The following PPM1H variants were observed in gnomAD, a reference collection of about 807,000 sequenced individuals.
PPM1H encodes protein phosphatase, Mg2+/Mn2+ dependent 1H, also known as protein phosphatase 1H.
Under a neutral mutation model 54.9 loss-of-function variants are expected in PPM1H, and 27 were observed. That is an observed-to-expected ratio of 0.49 (90% confidence interval 0.36 to 0.68). PPM1H has a LOEUF of 0.68. Among genes scored for constraint, PPM1H ranks in the 30% least tolerant of loss-of-function variants. The pLI, the probability that PPM1H is intolerant of heterozygous loss-of-function variation, is 0.00. For synonymous variants in PPM1H, 305 were observed against 270.8 expected, an observed-to-expected ratio of 1.13 and a Z score of -1.24; for missense variants, 596 against 667.8, an observed-to-expected ratio of 0.89 and a Z score of 1.19.
intron 4 of PPM1H, among the ~76,000 whole-genome samples, chr12:62,773,087 G>A (rs1206216777): frequency 2.0e-5 from 3 of 152,222 alleles, no homozygotes; most frequent in South Asian, 2.1e-4. Flanking sequence ...GTTGGAGGTG[G>A]TAGTGAGCCG....
chr12:62,672,087 G>A (rs1376315245), intron 8 of PPM1H, among the ~76,000 whole-genome samples: 1 of 152,162 alleles, frequency 6.6e-6, no homozygotes, highest in Non-Finnish European at 1.5e-5. Flanking sequence ...TTCACTGAAT[G>A]AATAATCGTC....
At chr12:62,706,492 G>A (rs560033979) in intron 6 of PPM1H, among the ~76,000 whole-genome samples, 4 of 152,276 alleles carry the variant, frequency 2.6e-5, no homozygotes, top group Admixed American at 1.3e-4. Context: ...AGCAGTTAAC[G>A]GATTTTCACA....
intron 4 of PPM1H, among the ~76,000 whole-genome samples, chr12:62,754,682 A>T (rs970838361): frequency 6.6e-6 from 1 of 152,198 alleles, no homozygotes; most frequent in African/African-American, 2.4e-5. Flanking sequence ...CCTCATTCCC[A>T]ATGCTTCTCT....
chr12:62,891,441 G>A (rs1159904075), intron 1 of PPM1H, among the ~76,000 whole-genome samples: 1 of 152,152 alleles, frequency 6.6e-6, no homozygotes, highest in Non-Finnish European at 1.5e-5. Context: ...ATTTTTCCAT[G>A]TGTCAACCAT....
rs145702639 is a variant in PPM1H, at chr12:62,909,964, G to A, written c.245+24528C>T. ...AACTATTGTGCTGAAGATTACGGAG[G>A]TTTTAATAACATTAATTGCAGAGAG... is the stretch of plus-strand genomic sequence containing the variant. On this transcript the variant is annotated intron_variant, in intron 1 of 9. Coordinates refer to ENST00000228705, the MANE Select transcript of PPM1H (RefSeq NM_020700.2). 9.7e-4 allele frequency among the ~76,000 whole-genome samples: 147 copies of A among 152,304 alleles called. 1 individual carries two copies. The highest frequency in any genetic ancestry group is 3.3e-3 in the African/African-American group (137 of 41,558).
intron 4 of PPM1H, among the ~76,000 whole-genome samples, chr12:62,759,643 C>T (rs181279205): frequency 1.3e-5 from 2 of 152,326 alleles, no homozygotes; most frequent in Admixed American, 6.5e-5. Context: ...CTGCCTTGGT[C>T]TTTCACCCTT....
rs563636541 is a variant in PPM1H at position 62,844,070 on chromosome 12, G to A, written c.246-11791C>T. ...AAGCTAGAAAGTACAATAAGACTTT[G>A]CCTTTGTCAACCTTAAATAACGAGA... On this transcript the variant is annotated intron_variant, in intron 1 of 9. Transcript: ENST00000228705. This position sits in a 1 kb window ranked among gnomAD's most constrained non-coding sequence, Gnocchi z 5.2. Among the ~76,000 whole-genome samples, 19 of 152,310 alleles carry A rather than the reference G, an allele frequency of 1.2e-4. No individual in the cohort carries two copies. The highest frequency in any genetic ancestry group is 4.6e-4 in the African/African-American group (19 of 41,556).
chr12:62,683,032 A>ATTTTTTT (rs201636860), intron 8 of PPM1H, among the ~76,000 whole-genome samples: 2 of 126,356 alleles, frequency 1.6e-5, no homozygotes, highest in Non-Finnish European at 3.3e-5. Context: ...AGAGTTTATT[A>ATTTTTTT]TTTATTATTA....
chr12:62,655,775 C>T (rs2075840857), intron 9 of PPM1H, among the ~76,000 whole-genome samples: 1 of 152,150 alleles, frequency 6.6e-6, no homozygotes, highest in Admixed American at 6.5e-5. Context: ...GAATGCTGGG[C>T]CAGGCTGCAT....
At chr12:62,914,839 T>A (rs996785242) in intron 1 of PPM1H, among the ~76,000 whole-genome samples, 1 of 152,206 alleles carries the variant, frequency 6.6e-6, no homozygotes, top group African/African-American at 2.4e-5. Context: ...GGGTATGCGC[T>A]AGATGTCGCT....
Position 62,795,045 on chromosome 12 carries a change from C to T in PPM1H, c.757-6707G>A, listed in dbSNP as rs1414448468. ...GGGGGTTGTAGGGGCACACCTACCT[C>T]TGACAGTGTACACAGTAAGTATTAA... On this transcript the variant is annotated intron_variant, in intron 3 of 9. Transcript: ENST00000228705. Among the ~76,000 whole-genome samples the T allele has an allele frequency of 2.6e-5, 4 of 152,188 alleles. No homozygotes were observed. In the East Asian group the frequency reaches 7.7e-4, roughly 29 times the overall value.
intron 5 of PPM1H, among the ~76,000 whole-genome samples, chr12:62,732,006 CA>C (rs1276374218): frequency 1.3e-5 from 2 of 152,200 alleles, no homozygotes; most frequent in African/African-American, 4.8e-5. Context: ...TCCACCAAAA[CA>C]TTCTGTCCAG....
intron 1 of PPM1H, among the ~76,000 whole-genome samples, chr12:62,840,690 T>A (rs1296767109): frequency 6.6e-6 from 1 of 152,068 alleles, no homozygotes; most frequent in Non-Finnish European, 1.5e-5. Context: ...TATAAAGAGG[T>A]GTAGGGTGTG....
chr12:62,816,037 A>G (rs1420835719), intron 2 of PPM1H, among the ~76,000 whole-genome samples: 1 of 152,226 alleles, frequency 6.6e-6, no homozygotes, highest in African/African-American at 2.4e-5. Context: ...TCATAATGGA[A>G]ATGAGAAAAT....
intron 3 of PPM1H, among the ~76,000 whole-genome samples, chr12:62,797,542 G>C (rs2076741505): frequency 6.6e-6 from 1 of 152,202 alleles, no homozygotes; most frequent in South Asian, 2.1e-4. Context: ...AAGCTGTCCT[G>C]CTATAGACAG....
Position 62,788,240 on chromosome 12 carries a change from A to G in PPM1H, c.855T>C (p.Asn285=). The G allele has an allele frequency of 1.3e-6, 2 of 1,593,374 alleles. No individual in the cohort carries two copies. The highest frequency in any genetic ancestry group is 1.7e-6 in the Non-Finnish European group (2 of 1,168,048). Residue 285 remains asparagine (N), a synonymous_variant, in exon 4 of 10, where the codon AAT becomes AAC. Coordinates refer to ENST00000228705, the MANE Select transcript of PPM1H (RefSeq NM_020700.2). ...ICLLGKLYVA[N]AGDSRAIIIR... ...CATCTGCTTACCTGCTATCCCCAGCATTTGCAACATACAGCTTCCCCAAAA... is the reference window on the plus strand; with the variant it reads ...CATCTGCTTACCTGCTATCCCCAGCGTTTGCAACATACAGCTTCCCCAAAA...
chr12:62,691,921 A>G (rs915687608), intron 7 of PPM1H, among the ~76,000 whole-genome samples: 9 of 152,008 alleles, frequency 5.9e-5, no homozygotes, highest in Non-Finnish European at 1.0e-4. Flanking sequence ...AATGTGAAAA[A>G]TTCTGAGTCC....
At chr12:62,822,207 T>G (rs577599982) in intron 2 of PPM1H, among the ~76,000 whole-genome samples, 1 of 152,228 alleles carries the variant, frequency 6.6e-6, no homozygotes, top group African/African-American at 2.4e-5. Flanking sequence ...AAGAGCTAAC[T>G]GTCCTAAATA....
chr12:62,923,964 A>G (rs978560647), intron 1 of PPM1H, among the ~76,000 whole-genome samples: 2 of 151,340 alleles, frequency 1.3e-5, no homozygotes, highest in African/African-American at 2.4e-5. Flanking sequence ...TGATTTAAAA[A>G]CTGTTGTTTT....
Sources: gnomAD v4.1 joint callset for allele counts (sites outside exome capture counted in the v4.1 genomes callset) on GRCh38, gnomAD v4.1.1 for gene constraint, Gnocchi (gnomAD v3.1) non-coding constraint, MANE v1.5 for transcripts, NCBI Gene and HGNC (gene_info 2026-07-23, HGNC 2026-07-21) for gene names.